The following FKTN variants were observed in gnomAD, a reference collection of about 807,000 sequenced individuals.
FKTN encodes ribitol-5-phosphate transferase FKTN.
FKTN carries 47 observed loss-of-function variants against 58.6 expected under a neutral mutation model. The observed-to-expected ratio is 0.80, with a 90% CI of 0.63 to 1.02. FKTN has a LOEUF of 1.02. Ranked by LOEUF, FKTN falls within the 50% of genes least tolerant of loss-of-function variation. FKTN has a pLI of 0.00. For synonymous variants in FKTN, 178 were observed against 191.9 expected, an observed-to-expected ratio of 0.93 and a Z score of 0.60; for missense variants, 516 against 537.3, an observed-to-expected ratio of 0.96 and a Z score of 0.39.
intron 7 of FKTN, among the ~76,000 whole-genome samples, chr9:105,611,805 A>G (rs565340575): frequency 1.8e-4 from 28 of 152,326 alleles, no homozygotes; most frequent in Non-Finnish European, 4.1e-4. Flanking sequence ...TGCAGGGAAC[A>G]CACACATGTA....
chr9:105,639,750 C>G lies in FKTN; in HGVS notation c.*4486C>G, dbSNP rs1024162194. The G allele has an allele frequency of 3.9e-6, 4 of 1,031,364 alleles. No homozygotes were observed. In the African/African-American group the frequency reaches 5.1e-5, roughly 13 times the overall value. The allele number at this position is 1,031,364 out of a possible 1,614,324, so 63.9% of individuals were successfully genotyped here. A position where few individuals can be genotyped will look rare whatever the true frequency, so the allele number is the denominator to read the frequency against. ...AGACATTACCAGTTTGCCTCCTTCT[C>G]TCAATAGAACTTGTATTTTCATTTT... On this transcript the variant is annotated 3_prime_UTR_variant, in exon 11 of 11. Transcript: ENST00000357998.
intron 3 of FKTN, among the ~76,000 whole-genome samples, chr9:105,582,153 G>C (rs2132244118): frequency 6.6e-6 from 1 of 152,286 alleles, no homozygotes; most frequent in South Asian, 2.1e-4. Context: ...GGGAGCTGTA[G>C]ACCGGAGCTG....
intron 3 of FKTN, among the ~76,000 whole-genome samples, chr9:105,583,992 C>A (rs1843471786): frequency 6.6e-6 from 1 of 152,108 alleles, no homozygotes; most frequent in African/African-American, 2.4e-5. Context: ...CTGTCTCAAC[C>A]CTTTTCCCTT....
chr9:105,586,585 T>C (rs774365176), intron 3 of FKTN, among the ~76,000 whole-genome samples: 3 of 152,250 alleles, frequency 2.0e-5, no homozygotes, highest in Non-Finnish European at 4.4e-5. Flanking sequence ...CTCATGAAAC[T>C]CATAATTTGA....
At chr9:105,603,863 G>C (rs1828353949) in intron 5 of FKTN, 1 of 313,692 alleles carries the variant, frequency 3.2e-6, no homozygotes, top group Non-Finnish European at 6.2e-6. Context: ...ATTTTTTGTA[G>C]AGACAGGTTG....
At chr9:105,607,617 T>A (rs1829138378) in intron 6 of FKTN, among the ~76,000 whole-genome samples, 1 of 151,944 alleles carries the variant, frequency 6.6e-6, no homozygotes, top group African/African-American at 2.4e-5. Context: ...TATTATTATT[T>A]TTAAATTTTA....
intron 7 of FKTN, among the ~76,000 whole-genome samples, chr9:105,611,286 T>C (rs538714834): frequency 5.3e-5 from 8 of 152,344 alleles, no homozygotes; most frequent in Middle Eastern, 3.4e-3. Context: ...ATTAATTTTG[T>C]CTTTTTTTAG....
intron 10 of FKTN, among the ~76,000 whole-genome samples, chr9:105,630,127 C>T (rs1156293115): frequency 6.6e-6 from 1 of 151,958 alleles, no homozygotes; most frequent in Non-Finnish European, 1.5e-5. Context: ...GTGCAGCACA[C>T]CAACATGGCA....
intron 10 of FKTN, chr9:105,623,290 GTTATC>G (rs960852316): frequency 2.0e-5 from 3 of 152,070 alleles, no homozygotes; most frequent in African/African-American, 7.2e-5. Context: ...TTTTATATGT[GTTATC>G]TTATTTAATC....
chr9:105,640,040 G>C lies in FKTN; in HGVS notation c.*4776G>C. On this transcript the variant is annotated 3_prime_UTR_variant, in exon 11 of 11. Transcript: ENST00000357998. ...AATGCCTGTATCATTGTTAATAAAG[G>C]AGAATTGAAAATACTCATTTCTACT... The C allele has an allele frequency of 6.5e-7, 1 of 1,532,070 alleles. No individual in the cohort carries two copies. The highest frequency in any genetic ancestry group is 8.7e-7 in the Non-Finnish European group (1 of 1,143,866). 94.9% of individuals were successfully genotyped at this position (1,532,070 alleles called of 1,614,324 possible).
In FKTN at chr9:105,596,637, G is replaced by A. The variant is rs2132595541; in HGVS notation, c.145G>A (p.Gly49Arg). 3 of 1,611,412 alleles carry A rather than the reference G, an allele frequency of 1.9e-6. No homozygotes were observed. Among genetic ancestry groups the A allele is most frequent in the South Asian group, 2.2e-5 (2 of 91,004 alleles). Reference sequence around the variant, plus strand: ...GTCAAAATCCAAAGGAAGCCGAATTGGATTTGATAGCACACAGTGGGTATG... The same window carrying A: ...GTCAAAATCCAAAGGAAGCCGAATTAGATTTGATAGCACACAGTGGGTATG... ...GLSKSKGSRIGFDSTQWRAVK... is the reference protein window; with the variant it reads ...GLSKSKGSRIRFDSTQWRAVK... The change falls in exon 4 of 11, where the codon GGA becomes AGA. Residue 49 changes from glycine to arginine, a missense_variant. Coordinates refer to ENST00000357998, the MANE Select transcript of FKTN (RefSeq NM_001079802.2).
intron 8 of FKTN, among the ~76,000 whole-genome samples, chr9:105,616,118 G>T (rs924943275): frequency 3.3e-5 from 5 of 152,144 alleles, no homozygotes; most frequent in South Asian, 2.1e-4. Flanking sequence ...GTTTATTTCT[G>T]GAATTTACCA....
At chr9:105,573,883 A>G (rs1841220534) in intron 2 of FKTN, 137 bp downstream of exon 2, 1 of 152,230 alleles carries the variant, frequency 6.6e-6, no homozygotes, top group African/African-American at 2.4e-5. Context: ...TCATTGGGGA[A>G]AGACAGTGTA....
rs2132898704 is a variant in FKTN, at chr9:105,607,843, T to C, written c.672T>C (p.Val224=). The change falls in exon 7 of 11, where the codon GTT becomes GTC. Residue 224 remains valine, a synonymous_variant. Coordinates refer to ENST00000357998, the MANE Select transcript of FKTN (RefSeq NM_001079802.2). ...FDRPELQQVT[V]DGLEVLIPKD... ...GGCCAGAGTTACAGCAAGTTACTGT[T>C]GATGGACTGGAAGTTCTCATTCCAA... 4 of 1,613,270 alleles carry C rather than the reference T, an allele frequency of 2.5e-6. No homozygotes were observed. Among genetic ancestry groups the C allele is most frequent in the Non-Finnish European group, 3.4e-6 (4 of 1,179,360 alleles).
At chr9:105,567,965 C>G (rs1440422616) in intron 1 of FKTN, among the ~76,000 whole-genome samples, 1 of 152,170 alleles carries the variant, frequency 6.6e-6, no homozygotes, top group Non-Finnish European at 1.5e-5. Flanking sequence ...TGGAACAGAA[C>G]GGAGCCCTCA....
intron 10 of FKTN, chr9:105,624,522 A>C (rs1300074903): frequency 6.6e-6 from 1 of 151,198 alleles, no homozygotes. Flanking sequence ...TCCCAACTAC[A>C]TGGGAGGCTG....
At chr9:105,583,547 A>G (rs1843397765) in intron 3 of FKTN, among the ~76,000 whole-genome samples, 1 of 152,116 alleles carries the variant, frequency 6.6e-6, no homozygotes, top group African/African-American at 2.4e-5. Context: ...TGTCTTTCAT[A>G]TATGTTCCTG....
chr9:105,581,302 C>A (rs1023761308), intron 3 of FKTN, among the ~76,000 whole-genome samples: 2 of 147,672 alleles, frequency 1.4e-5, no homozygotes, highest in African/African-American at 2.5e-5. Context: ...GTGGTTTTAT[C>A]TACTTTTGGT....
At chr9:105,568,370 A>G (rs1840085691) in intron 1 of FKTN, among the ~76,000 whole-genome samples, 1 of 152,244 alleles carries the variant, frequency 6.6e-6, no homozygotes. Context: ...ACAGAATGGG[A>G]GAAAATTTTT....
Sources: gnomAD v4.1 joint callset for allele counts (sites outside exome capture counted in the v4.1 genomes callset) on GRCh38, gnomAD v4.1.1 for gene constraint, MANE v1.5 for transcripts, NCBI Gene and HGNC (gene_info 2026-07-23, HGNC 2026-07-21) for gene names.